SORCS3: variants seen among roughly 807,000 people sequenced by gnomAD.
SORCS3 encodes VPS10 domain-containing receptor SorCS3.
A neutral mutation model predicts 146.3 loss-of-function variants in SORCS3; 57 were observed. The observed-to-expected ratio is 0.39, with a 90% CI of 0.31 to 0.49. The LOEUF is 0.49. Ranked by LOEUF, SORCS3 falls within the 20% of genes least tolerant of loss-of-function variation. The probability of loss-of-function intolerance (pLI) is 0.92; values close to 1 mark genes in which losing one functional copy is unlikely to be tolerated. For missense variants in SORCS3, 1,341 were observed against 1,575.5 expected (o/e 0.85, Z 2.52); for synonymous variants, 653 against 618.5 (o/e 1.06, Z -0.83).
At chr10:105,184,840 C>T (rs2056465300) in intron 14 of SORCS3, among the ~76,000 whole-genome samples, 1 of 152,074 alleles carries the variant, frequency 6.6e-6, no homozygotes, top group African/African-American at 2.4e-5. Context: ...TGAATTCTGT[C>T]CTCTTGATGT....
intron 1 of SORCS3, among the ~76,000 whole-genome samples, chr10:104,671,334 T>TTTTC (rs1432660809): frequency 2.0e-5 from 2 of 99,802 alleles, no homozygotes; most frequent in East Asian, 6.2e-4. Context: ...CCTTTTTTTT[T>TTTTC]TTTTTTTTTT....
intron 21 of SORCS3, among the ~76,000 whole-genome samples, 171 bp downstream of exon 21, chr10:105,245,836 A>G (rs1301058354): frequency 1.3e-5 from 2 of 152,194 alleles, no homozygotes; most frequent in Non-Finnish European, 2.9e-5. Flanking sequence ...AGGTTATAAG[A>G]GACGTATACC....
chr10:104,975,376 G>C (rs1040028281), intron 3 of SORCS3, among the ~76,000 whole-genome samples: 2 of 151,942 alleles, frequency 1.3e-5, no homozygotes, highest in Non-Finnish European at 2.9e-5. Context: ...CCTCTTCAAG[G>C]AGAACTACAA....
At chr10:104,663,190 T>A (rs944116196) in intron 1 of SORCS3, among the ~76,000 whole-genome samples, 1 of 152,082 alleles carries the variant, frequency 6.6e-6, no homozygotes, top group Non-Finnish European at 1.5e-5. Context: ...TCTGTTGTAA[T>A]TAAAGGAAGC....
At chr10:104,718,168 G>A (rs1047798980) in intron 1 of SORCS3, among the ~76,000 whole-genome samples, 9 of 150,384 alleles carry the variant, frequency 6.0e-5, no homozygotes, top group South Asian at 2.1e-4. Context: ...ATAAATAAAT[G>A]AATAAATAAA....
chr10:104,912,619 A>G (rs1395195794), intron 2 of SORCS3, among the ~76,000 whole-genome samples: 1 of 152,256 alleles, frequency 6.6e-6, no homozygotes, highest in African/African-American at 2.4e-5. Context: ...GTAGGTTTGG[A>G]CAATCTCATT....
At chr10:104,670,322 A>G (rs938455688) in intron 1 of SORCS3, among the ~76,000 whole-genome samples, 4 of 152,038 alleles carry the variant, frequency 2.6e-5, no homozygotes, top group African/African-American at 7.2e-5. Context: ...TTCTTCTAAG[A>G]GCATTATGGT....
intron 7 of SORCS3, among the ~76,000 whole-genome samples, chr10:105,125,679 C>CCACACACACACACACACACACACACACA (rs71022752): frequency 3.1e-4 from 45 of 144,486 alleles, no homozygotes; most frequent in Non-Finnish European, 1.1e-4. Flanking sequence ...CACTGAATAT[C>CCACACACACACACACACACACACACACA]CACACACACA....
intron 1 of SORCS3, among the ~76,000 whole-genome samples, chr10:104,725,393 G>A (rs899389693): frequency 6.6e-6 from 1 of 152,214 alleles, no homozygotes; most frequent in Non-Finnish European, 1.5e-5. Context: ...CCTACTGGGG[G>A]TTGCCTCCCA....
rs1464136483 is a variant in SORCS3 at position 105,147,767 on chromosome 10, A to G, written c.1453A>G (p.Met485Val). 3 of 1,612,638 alleles carry G rather than the reference A, an allele frequency of 1.9e-6. No homozygotes were observed. The highest frequency in any genetic ancestry group is 8.5e-7 in the Non-Finnish European group (1 of 1,179,182). Residue 485 changes from methionine (M) to valine (V), a missense_variant, in exon 9 of 27, where the codon ATG becomes GTG. Transcript: ENST00000369701. ...MENIKSSRGLMGNIIIELYEV... is the reference protein window; with the variant it reads ...MENIKSSRGLVGNIIIELYEV... ...GAACATCAAGAGCAGCAGAGGTCTA[A>G]TGGGGAACATCATTATTGAATTGTA...
chr10:104,905,273 A>G (rs538978885), intron 2 of SORCS3, among the ~76,000 whole-genome samples: 38 of 152,222 alleles, frequency 2.5e-4, no homozygotes, highest in Non-Finnish European at 5.0e-4. Flanking sequence ...TGAAGTTACT[A>G]TAGTGTTAGA....
In SORCS3 at chr10:105,020,417, C is replaced by G. The variant is rs77366330; in HGVS notation, c.955-22638C>G. Among the ~76,000 whole-genome samples the G allele has an allele frequency of 2.4e-3, 371 of 152,280 alleles. 1 individual carries two copies. Among genetic ancestry groups the G allele is most frequent in the African/African-American group, 7.9e-3 (328 of 41,562 alleles). On this transcript the variant is annotated intron_variant, in intron 4 of 26. Coordinates refer to ENST00000369701, the MANE Select transcript of SORCS3 (RefSeq NM_014978.3). ...TCATCTATTCACAGTTTGCATCATA[C>G]AAGTGTCACTCATCTATATGACATA...
intron 1 of SORCS3, among the ~76,000 whole-genome samples, chr10:104,658,339 A>G (rs559641555): frequency 6.6e-6 from 1 of 152,324 alleles, no homozygotes; most frequent in Non-Finnish European, 1.5e-5. Context: ...ATGTATGCAC[A>G]TGAGTATTAT....
At chr10:105,105,108 T>C (rs1410862651) in intron 6 of SORCS3, among the ~76,000 whole-genome samples, 1 of 152,200 alleles carries the variant, frequency 6.6e-6, no homozygotes, top group African/African-American at 2.4e-5. Context: ...GTAAGATATG[T>C]ACCTTTAAAA....
At chr10:105,204,509 A>G (rs1353683251) in intron 16 of SORCS3, among the ~76,000 whole-genome samples, 3 of 152,188 alleles carry the variant, frequency 2.0e-5, no homozygotes, top group African/African-American at 7.2e-5. Flanking sequence ...CATTGGTACT[A>G]GAATCATAAT....
chr10:104,758,498 G>GTA (rs2017084821), intron 1 of SORCS3, among the ~76,000 whole-genome samples: 1 of 152,156 alleles, frequency 6.6e-6, no homozygotes, highest in South Asian at 2.1e-4. Flanking sequence ...GGGAGAGTCT[G>GTA]TAGGGGCCAT....
intron 8 of SORCS3, among the ~76,000 whole-genome samples, chr10:105,145,329 C>T (rs813769): frequency 0.52 from 79,117 of 151,810 alleles, 20,930 homozygotes; most frequent in Middle Eastern, 0.56. Context: ...ATCTCAGAAT[C>T]CTGGATACCA....
At chr10:104,929,658 G>A (rs2019187064) in intron 3 of SORCS3, among the ~76,000 whole-genome samples, 2 of 152,178 alleles carry the variant, frequency 1.3e-5, no homozygotes, top group South Asian at 4.1e-4. Flanking sequence ...TGGCCCCTGG[G>A]GACACAGGCT....
At chr10:104,913,393 A>G (rs992801362) in intron 2 of SORCS3, among the ~76,000 whole-genome samples, 2 of 152,226 alleles carry the variant, frequency 1.3e-5, no homozygotes, top group African/African-American at 4.8e-5. Flanking sequence ...TGCGTTGTAG[A>G]AAGGCAAGGA....
Sources: allele counts gnomAD v4.1 joint callset (sites outside exome capture counted in the v4.1 genomes callset), GRCh38; gene constraint gnomAD v4.1.1; transcripts MANE v1.5; gene names NCBI Gene and HGNC (gene_info 2026-07-23, HGNC 2026-07-21).